The following SRFBP1 variants were observed in gnomAD, a reference collection of about 807,000 sequenced individuals.
SRFBP1 encodes serum response factor-binding protein 1.
In SRFBP1, 47 loss-of-function variants were observed where a neutral mutation model predicts 45.5. That is an observed-to-expected ratio of 1.03 (90% CI 0.82 to 1.32). SRFBP1 has a LOEUF of 1.32. Ranked by LOEUF, SRFBP1 falls within the 40% of genes most tolerant of loss-of-function variation. The probability of loss-of-function intolerance (pLI) is 0.00; values close to 1 mark genes in which losing one functional copy is unlikely to be tolerated. For missense variants in SRFBP1, 621 were observed against 484.6 expected (o/e 1.28, Z -2.64); for synonymous variants, 203 against 166.3 (o/e 1.22, Z -1.70).
chr5:122,003,800 C>T (rs892596005), intron 4 of SRFBP1, among the ~76,000 whole-genome samples: 2 of 152,084 alleles, frequency 1.3e-5, no homozygotes, highest in Non-Finnish European at 2.9e-5. Flanking sequence ...TTTGCATTTC[C>T]CTAATGATTA....
At chr5:122,007,311 A>G (rs756972553) in intron 4 of SRFBP1, among the ~76,000 whole-genome samples, 15 of 151,828 alleles carry the variant, frequency 9.9e-5, no homozygotes, top group Non-Finnish European at 1.9e-4. Flanking sequence ...GAATGCTGAG[A>G]TGGACCTGGA....
At position 122,035,804 on chromosome 5, in the gene SRFBP1, G is replaced by A. The variant is rs535027731; in HGVS notation, n.311+13397G>A. Among the ~76,000 whole-genome samples, 65 of 152,222 alleles carry A rather than the reference G, an allele frequency of 4.3e-4. 2 individuals carry two copies. The South Asian group carries it at 0.013, about 31-fold the overall frequency. On this transcript the variant is annotated intron_variant and non_coding_transcript_variant, in intron 2 of 2. Coordinates refer to the SRFBP1 transcript ENST00000504881. The stretch of plus-strand genomic sequence containing the variant: ...TGTTGGACAATGCAATCTACCATAA[G>A]CCTTGAGCTTCCACAGGTTCTCGCT...
chr5:121,987,649 A>T (rs184786509), intron 3 of SRFBP1, among the ~76,000 whole-genome samples: 2 of 152,180 alleles, frequency 1.3e-5, no homozygotes, highest in Non-Finnish European at 2.9e-5. Context: ...AATTTTTTGT[A>T]TTGGGGCATA....
Position 121,963,027 on chromosome 5 carries a change from C to G in SRFBP1, c.36+959C>G, listed in dbSNP as rs142929448. Among the ~76,000 whole-genome samples, 606 of 152,230 alleles carry G rather than the reference C, an allele frequency of 4.0e-3. 5 individuals carry two copies. The highest frequency in any genetic ancestry group is 0.014 in the African/African-American group (583 of 41,552). ...AATGCAGAAAAGTTTCCAAAGGCGG[C>G]AAAATGAAATGGGTGATACTTGTCC... On this transcript the variant is annotated intron_variant, in intron 1 of 7. Transcript: ENST00000339397.
At chr5:121,981,066 A>C (rs762002013) in intron 3 of SRFBP1, among the ~76,000 whole-genome samples, 18 of 152,016 alleles carry the variant, frequency 1.2e-4, no homozygotes, top group African/African-American at 4.3e-4. Flanking sequence ...CCTCCATCAG[A>C]GTCTGTTTCC....
chr5:122,054,535 C>T (rs1473865062), intron 2 of SRFBP1, among the ~76,000 whole-genome samples: 1 of 152,144 alleles, frequency 6.6e-6, no homozygotes, highest in African/African-American at 2.4e-5. Flanking sequence ...GCCATCTTGG[C>T]TTGAAAGACA....
At chr5:122,077,013 C>A, downstream of SRFBP1, 1 of 1,612,120 alleles carries the variant, frequency 6.2e-7, no homozygotes. This position sits in a 1 kb window ranked among gnomAD's most constrained non-coding sequence, Gnocchi z 4.9. Flanking sequence ...TAAACGTCAG[C>A]AGGCGACGGG....
intron 1 of SRFBP1, among the ~76,000 whole-genome samples, chr5:121,970,537 G>A (rs905908124): frequency 2.0e-5 from 3 of 150,720 alleles, no homozygotes; most frequent in Non-Finnish European, 4.4e-5. Context: ...CAACGTGGCC[G>A]TTCTTTTTTT....
At chr5:121,994,481 C>A (rs1166364997) in intron 3 of SRFBP1, 118 bp from the exon 4 acceptor site, 2 of 675,748 alleles carry the variant, frequency 3.0e-6, no homozygotes, top group Non-Finnish European at 5.0e-6. Flanking sequence ...GGAGTTAATT[C>A]TTTTCTCAAA....
intron 2 of SRFBP1, among the ~76,000 whole-genome samples, chr5:122,060,846 A>G (rs532239404): frequency 2.9e-4 from 44 of 152,224 alleles, no homozygotes; most frequent in African/African-American, 1.1e-3. Flanking sequence ...CTTTGGTTAC[A>G]TGAACCCAAA....
downstream of SRFBP1, among the ~76,000 whole-genome samples, chr5:122,029,217 T>G (rs1753553366): frequency 1.3e-5 from 2 of 152,042 alleles, no homozygotes; most frequent in African/African-American, 4.8e-5. Context: ...AAAAAGAATT[T>G]TATAGCCCAA....
intron 4 of SRFBP1, among the ~76,000 whole-genome samples, chr5:122,003,114 A>T (rs1481307875): frequency 1.3e-5 from 2 of 152,148 alleles, no homozygotes; most frequent in Non-Finnish European, 2.9e-5. Context: ...AGGCCAAGAC[A>T]GATGGATCAC....
chr5:122,015,686 C>T (rs1356190271), intron 4 of SRFBP1, among the ~76,000 whole-genome samples: 2 of 152,206 alleles, frequency 1.3e-5, no homozygotes, highest in East Asian at 3.8e-4. Context: ...TTGCCAATTC[C>T]TGGTTTTGAA....
In SRFBP1 at chr5:122,027,122, A is replaced by G. The variant is rs753929228; in HGVS notation, c.1286A>G (p.Asp429Gly). 6.3e-7 allele frequency: 1 copy of G among 1,599,598 alleles called. No homozygotes were observed. Among genetic ancestry groups the G allele is most frequent in the Non-Finnish European group, 8.5e-7 (1 of 1,174,972 alleles). The change falls in exon 8 of 8, where the codon GAT becomes GGT. Residue 429 changes from aspartate to glycine, a missense_variant. Coordinates refer to ENST00000339397, the MANE Select transcript of SRFBP1 (RefSeq NM_152546.3). ...CAGGGGAAAAAAATTACGTTTGATG[A>G]TTGATTAGTGCCTCTTTCTGCAAAC... The part of the protein sequence containing the change: ...VFQGKKITFD[D>G]
intron 2 of SRFBP1, among the ~76,000 whole-genome samples, chr5:122,053,718 G>A (rs919493754): frequency 6.6e-6 from 1 of 151,794 alleles, no homozygotes; most frequent in African/African-American, 2.4e-5. Context: ...TGCTGTCCAA[G>A]TGTTTCCAGA....
At chr5:122,015,148 A>G (rs903652362) in intron 4 of SRFBP1, among the ~76,000 whole-genome samples, 4 of 152,128 alleles carry the variant, frequency 2.6e-5, no homozygotes, top group Admixed American at 2.6e-4. Context: ...TTTCTTGGGG[A>G]ATACACTTCT....
At chr5:121,998,600 G>T (rs568271151) in intron 4 of SRFBP1, among the ~76,000 whole-genome samples, 11 of 149,104 alleles carry the variant, frequency 7.4e-5, no homozygotes, top group African/African-American at 2.7e-4. Flanking sequence ...CACCAGCATG[G>T]CACGTGTATA....
intron 3 of SRFBP1, among the ~76,000 whole-genome samples, chr5:121,982,394 T>G (rs1179336832): frequency 6.6e-6 from 1 of 151,948 alleles, no homozygotes; most frequent in Non-Finnish European, 1.5e-5. Flanking sequence ...GCATGTAGTT[T>G]CTACAGCTTT....
downstream of SRFBP1, chr5:122,077,101 A>G (rs1754660761): frequency 5.2e-6 from 8 of 1,525,326 alleles, no homozygotes; most frequent in Non-Finnish European, 7.0e-6. This position sits in a 1 kb window ranked among gnomAD's most constrained non-coding sequence, Gnocchi z 4.9. Flanking sequence ...CCCTTCGCCC[A>G]CCGGGACTGC....
Sources: allele counts gnomAD v4.1 joint callset (sites outside exome capture counted in the v4.1 genomes callset), GRCh38; gene constraint gnomAD v4.1.1; non-coding constraint Gnocchi (gnomAD v3.1); transcripts MANE v1.5; gene names NCBI Gene and HGNC (gene_info 2026-07-23, HGNC 2026-07-21).